Variants in FAM120C observed in about 807,000 individuals in gnomAD.
FAM120C encodes the protein constitutive coactivator of PPAR-gamma-like protein 2.
A neutral mutation model predicts 71.2 loss-of-function variants in FAM120C; 14 were observed. The ratio of observed to expected loss-of-function variants is 0.20; its 90% confidence interval spans 0.13 to 0.31. The LOEUF is 0.31. Among genes scored for constraint, FAM120C ranks in the 10% least tolerant of loss-of-function variants. The pLI is 1.00. For missense variants in FAM120C, 500 were observed against 879.0 expected (o/e 0.57, Z 5.45); for synonymous variants, 354 against 353.2 (o/e 1.00, Z -0.03).
chrX:54,150,026 T>C (rs2067176849), intron 4 of FAM120C, among the ~76,000 whole-genome samples: 3 of 112,636 alleles, frequency 2.7e-5, no homozygotes, highest in Non-Finnish European at 5.6e-5. Flanking sequence ...ATTTTCATTC[T>C]TGTTTTATGT....
At chrX:54,135,868 A>G (rs1398639916) in intron 5 of FAM120C, among the ~76,000 whole-genome samples, 3 of 111,362 alleles carry the variant, frequency 2.7e-5, no homozygotes, top group African/African-American at 9.8e-5. Context: ...TGGAATTCCA[A>G]CTCAGGCCAG....
chrX:54,116,864 A>T, intron 9 of FAM120C, 70 bp from the exon 10 acceptor site: 3 of 1,101,401 alleles, frequency 2.7e-6, no homozygotes, highest in Non-Finnish European at 3.7e-6. Flanking sequence ...TAGCCACAGG[A>T]CATTGACAGG....
chrX:54,068,678 CT>C lies in FAM120C; in HGVS notation c.*4354del, dbSNP rs1304783962. ...AAAAAAACAATGAAATAATTTTTTA[CT>C]TTTGTCAATAACATCATTTATCAGG... On this transcript the variant is annotated 3_prime_UTR_variant, in exon 16 of 16. Coordinates refer to ENST00000375180, the MANE Select transcript of FAM120C (RefSeq NM_017848.6). 1.8e-5 allele frequency: 2 copies of C among 111,714 alleles called. No individual in the cohort carries two copies. The highest frequency in any genetic ancestry group is 3.8e-5 in the Non-Finnish European group (2 of 53,204). 9.2% of individuals were successfully genotyped at this position (111,714 alleles called of 1,213,427 possible). A position where few individuals can be genotyped will look rare whatever the true frequency, so the allele number is the denominator to read the frequency against.
At chrX:54,095,234 T>C (rs1024969759) in intron 10 of FAM120C, among the ~76,000 whole-genome samples, 2 of 111,600 alleles carry the variant, frequency 1.8e-5, no homozygotes, top group Non-Finnish European at 3.8e-5. Flanking sequence ...TATTACATTC[T>C]CATACATACG....
chrX:54,106,379 C>T (rs2066907137), intron 10 of FAM120C, among the ~76,000 whole-genome samples: 1 of 111,797 alleles, frequency 8.9e-6, no homozygotes, highest in Non-Finnish European at 1.9e-5. Context: ...GAAACTGGAT[C>T]CCTTCCATAT....
intron 8 of FAM120C, among the ~76,000 whole-genome samples, chrX:54,133,266 G>A (rs782531399): frequency 2.1e-4 from 23 of 111,698 alleles, no homozygotes; most frequent in Non-Finnish European, 3.8e-4. Context: ...CTTGAACCTC[G>A]GAGGCAGAAG....
chrX:54,151,448 G>C, intron 3 of FAM120C, 75 bp from the exon 4 acceptor site: 1 of 1,034,853 alleles, frequency 9.7e-7, no homozygotes, highest in Non-Finnish European at 1.3e-6. Flanking sequence ...GTTGAGGGGA[G>C]ATATGGAATT....
chrX:54,174,079 T>C (rs1030259995), intron 1 of FAM120C: 3 of 511,391 alleles, frequency 5.9e-6, no homozygotes, highest in Admixed American at 2.7e-5. Flanking sequence ...TGAGTGTTGG[T>C]TGGAGGCTTC....
At chrX:54,130,958 A>C (rs1446746205) in intron 9 of FAM120C, among the ~76,000 whole-genome samples, 1 of 110,888 alleles carries the variant, frequency 9.0e-6, no homozygotes, top group Non-Finnish European at 1.9e-5. Context: ...CAGGGAACTC[A>C]CCACTGCACC....
intron 10 of FAM120C, among the ~76,000 whole-genome samples, chrX:54,110,463 A>T (rs1557125531): frequency 9.0e-6 from 1 of 111,244 alleles, no homozygotes; most frequent in African/African-American, 3.3e-5. Flanking sequence ...AAAAAGATGG[A>T]AAAATCAATG....
Position 54,159,419 on chromosome X carries a change from C to G in FAM120C, c.897G>C (p.Lys299Asn). 5.0e-6 allele frequency: 6 copies of G among 1,211,607 alleles called. No homozygotes were observed. Among genetic ancestry groups the G allele is most frequent in the Non-Finnish European group, 6.7e-6 (6 of 895,423 alleles). ...TNQFLMQEVA[K>N]QLGLKRMNFP... ...AATTCATCCTCTTCAGGCCCAGCTG[C>G]TTGGCTACTTCTTGCATCAGGAACT... Residue 299 changes from lysine (K) to asparagine (N), a missense_variant, in exon 2 of 16, where the codon AAG (lysine) becomes AAC (asparagine). Lys to Asn is a moderately conservative substitution (Grantham distance 94). This residue lies in a region of FAM120C where 45 missense variants were observed against 140.2 expected (regional missense o/e 0.32). Transcript: ENST00000375180.
At chrX:54,076,293 C>T (rs1603351155) in intron 15 of FAM120C, among the ~76,000 whole-genome samples, 2 of 106,404 alleles carry the variant, frequency 1.9e-5, no homozygotes, top group East Asian at 5.8e-4. Flanking sequence ...GAGCTGACAT[C>T]GCGCCAGCCT....
intron 2 of FAM120C, 52 bp downstream of exon 2, chrX:54,159,318 C>T (rs2067224964): frequency 1.1e-5 from 13 of 1,195,358 alleles, no homozygotes; most frequent in Middle Eastern, 2.3e-4. Context: ...CATCTCTTAA[C>T]ACCAGAAGAG....
chrX:54,142,630 A>T (rs782620215), intron 4 of FAM120C, among the ~76,000 whole-genome samples: 1 of 112,154 alleles, frequency 8.9e-6, no homozygotes, highest in Admixed American at 9.4e-5. Context: ...CTCAAGGAGG[A>T]CTGCCTGCCT....
At chrX:54,109,808 C>T (rs2146585236) in intron 10 of FAM120C, among the ~76,000 whole-genome samples, 1 of 103,469 alleles carries the variant, frequency 9.7e-6, no homozygotes, top group South Asian at 4.6e-4. Context: ...CAGAGCGAGA[C>T]TCCGTCTAAA....
chrX:54,088,053 G>T, intron 11 of FAM120C, 89 bp from the exon 12 acceptor site: 1 of 801,334 alleles, frequency 1.2e-6, no homozygotes, highest in Non-Finnish European at 1.8e-6. Context: ...GATTCTTCCA[G>T]TTAAATTTGA....
At chrX:54,131,772 T>TTTC (rs2067068397) in intron 9 of FAM120C, among the ~76,000 whole-genome samples, 2 of 105,190 alleles carry the variant, frequency 1.9e-5, no homozygotes, top group Non-Finnish European at 3.9e-5. Flanking sequence ...TTCTTTTTTT[T>TTTC]TTTTTTTGAG....
At chrX:54,084,600 G>A (rs782326159) in intron 13 of FAM120C, among the ~76,000 whole-genome samples, 18 of 111,058 alleles carry the variant, frequency 1.6e-4, no homozygotes, top group Non-Finnish European at 2.6e-4. Context: ...AGGCCAAGGC[G>A]GGCAGATCAT....
At chrX:54,092,395 A>T (rs1398595248) in intron 10 of FAM120C, among the ~76,000 whole-genome samples, 2 of 110,525 alleles carry the variant, frequency 1.8e-5, no homozygotes, top group Non-Finnish European at 3.8e-5. Flanking sequence ...AATAAAAAAA[A>T]TTAGCCGGGT....
Sources: gnomAD v4.1 joint callset for allele counts (sites outside exome capture counted in the v4.1 genomes callset) on GRCh38, gnomAD v4.1.1 for gene constraint, gnomAD v4.1.1 regional missense constraint, MANE v1.5 for transcripts, NCBI Gene and HGNC (gene_info 2026-07-23, HGNC 2026-07-21) for gene names.